The following PRELID2 variants were observed in gnomAD, a reference collection of about 807,000 sequenced individuals.
PRELID2 encodes the protein PRELI domain containing 2.
Under a neutral mutation model 28.4 loss-of-function variants are expected in PRELID2, and 25 were observed. The ratio of observed to expected loss-of-function variants is 0.88; its 90% CI spans 0.64 to 1.23. The LOEUF is 1.23. Among genes scored for constraint, PRELID2 ranks in the 50% most tolerant of loss-of-function variants. The pLI, the probability that PRELID2 is intolerant of heterozygous loss-of-function variation, is 0.00. For missense variants in PRELID2, 201 were observed against 214.4 expected, an observed-to-expected ratio of 0.94 and a Z score of 0.39; for synonymous variants, 76 against 71.6, an observed-to-expected ratio of 1.06 and a Z score of -0.31.
At chr5:145,834,759 T>C (rs1376388379) in intron 1 of PRELID2, 1 of 164,626 alleles carries the variant, frequency 6.1e-6, no homozygotes, top group Non-Finnish European at 1.3e-5. Context: ...GTCCCACAGC[T>C]GTTTAATAAG....
the PRELID2 span, among the ~76,000 whole-genome samples, chr5:145,382,013 G>A: frequency 6.6e-6 from 1 of 151,024 alleles, no homozygotes; most frequent in African/African-American, 2.4e-5. Context: ...TAACTTTAAA[G>A]TGGGGGGTAG....
chr5:145,725,153 A>G (rs1248592927), intron 1 of PRELID2, among the ~76,000 whole-genome samples: 2 of 145,126 alleles, frequency 1.4e-5, no homozygotes, highest in African/African-American at 5.4e-5. Flanking sequence ...AGGAATTCAA[A>G]GCAACAAGAA....
the PRELID2 span, among the ~76,000 whole-genome samples, chr5:145,322,134 A>C: frequency 6.6e-6 from 1 of 152,238 alleles, no homozygotes; most frequent in East Asian, 1.9e-4. Context: ...TAATTCAAAA[A>C]TGGCTAGAAA....
intron 1 of PRELID2, chr5:145,728,564 T>C (rs1027130395): frequency 2.8e-5 from 23 of 834,962 alleles, no homozygotes; most frequent in Middle Eastern, 6.1e-4. Flanking sequence ...TTTCCTGGAA[T>C]GAATTGTTGA....
the PRELID2 span, among the ~76,000 whole-genome samples, chr5:145,243,373 AG>A: frequency 5.3e-5 from 8 of 152,244 alleles, no homozygotes; most frequent in South Asian, 1.7e-3. Flanking sequence ...AGGTATAGTC[AG>A]GGTTAACAGA....
the PRELID2 span, among the ~76,000 whole-genome samples, chr5:145,439,244 G>C: frequency 6.6e-6 from 1 of 152,030 alleles, no homozygotes; most frequent in Non-Finnish European, 1.5e-5. Flanking sequence ...TTAAGAATCA[G>C]GAGACTTCAG....
the PRELID2 span, chr5:145,229,750 G>T: frequency 1.3e-6 from 1 of 753,746 alleles, no homozygotes; most frequent in Non-Finnish European, 2.4e-6. Flanking sequence ...ACCAATCAAG[G>T]CCTGGGCTTG....
At chr5:145,643,170 T>G (rs2149665514) in intron 1 of PRELID2, among the ~76,000 whole-genome samples, 1 of 152,354 alleles carries the variant, frequency 6.6e-6, no homozygotes, top group African/African-American at 2.4e-5. Context: ...TTTCCATTTG[T>G]TTGTGTCCTC....
At chr5:145,602,847 T>G (rs1028003733) in intron 1 of PRELID2, among the ~76,000 whole-genome samples, 4 of 150,512 alleles carry the variant, frequency 2.7e-5, no homozygotes, top group Non-Finnish European at 5.9e-5. Context: ...AGGTCAGGAG[T>G]TCGAGATGAG....
At chr5:145,662,045 T>C (rs1457821439) in intron 1 of PRELID2, among the ~76,000 whole-genome samples, 2 of 151,886 alleles carry the variant, frequency 1.3e-5, no homozygotes, top group Non-Finnish European at 2.9e-5. Flanking sequence ...TTCCAAATCA[T>C]TTTTCCCCAG....
At chr5:145,794,983 A>C (rs1220216093) in intron 5 of PRELID2, 1 of 152,088 alleles carries the variant, frequency 6.6e-6, no homozygotes, top group Non-Finnish European at 1.5e-5. Context: ...TCAATTTGAT[A>C]ATAAGGAACA....
intron 4 of PRELID2, among the ~76,000 whole-genome samples, chr5:145,809,097 T>C (rs1753754145): frequency 6.8e-6 from 1 of 146,814 alleles, no homozygotes; most frequent in Admixed American, 7.0e-5. Flanking sequence ...TATGCAGTGG[T>C]GCGATCTGGG....
At chr5:145,678,672 A>T (rs192570463) in intron 1 of PRELID2, among the ~76,000 whole-genome samples, 1 of 152,320 alleles carries the variant, frequency 6.6e-6, no homozygotes, top group African/African-American at 2.4e-5. Context: ...TACCCAGCAC[A>T]GTGTTTAGTA....
intron 1 of PRELID2, among the ~76,000 whole-genome samples, chr5:145,501,240 C>G (rs901045209): frequency 6.6e-6 from 1 of 152,150 alleles, no homozygotes; most frequent in African/African-American, 2.4e-5. Flanking sequence ...TATTTCATTA[C>G]TGTCCTATAA....
At chr5:145,503,307 C>T (rs1173036492) in intron 1 of PRELID2, among the ~76,000 whole-genome samples, 1 of 152,168 alleles carries the variant, frequency 6.6e-6, no homozygotes, top group Non-Finnish European at 1.5e-5. Flanking sequence ...CATGTCTCCA[C>T]ACCTCATCCA....
intron 1 of PRELID2, among the ~76,000 whole-genome samples, chr5:145,570,273 C>A (rs1164093055): frequency 1.3e-5 from 2 of 152,108 alleles, no homozygotes; most frequent in Non-Finnish European, 2.9e-5. Context: ...CAATCCAACC[C>A]ATAACAAGCC....
the PRELID2 span, among the ~76,000 whole-genome samples, chr5:145,442,548 C>T: frequency 6.6e-6 from 1 of 151,924 alleles, no homozygotes; most frequent in Non-Finnish European, 1.5e-5. Context: ...CTTTTGGTCT[C>T]GCAGTGCCAA....
chr5:145,657,976 T>C (rs1754424955), intron 1 of PRELID2, among the ~76,000 whole-genome samples: 1 of 152,224 alleles, frequency 6.6e-6, no homozygotes, highest in Non-Finnish European at 1.5e-5. Flanking sequence ...ACGAGTCATA[T>C]AAATAACATG....
At chr5:145,526,264 G>A (rs1752604708) in intron 1 of PRELID2, among the ~76,000 whole-genome samples, 1 of 152,182 alleles carries the variant, frequency 6.6e-6, no homozygotes, top group Non-Finnish European at 1.5e-5. Context: ...GCAGAGATGG[G>A]ATTTAAGTCT....
Sources: gnomAD v4.1 joint callset for allele counts (sites outside exome capture counted in the v4.1 genomes callset) on GRCh38, gnomAD v4.1.1 for gene constraint, MANE v1.5 for transcripts, NCBI Gene and HGNC (gene_info 2026-07-23, HGNC 2026-07-21) for gene names.